The following OTUD7A variants were observed in gnomAD, a reference collection of about 807,000 sequenced individuals.
OTUD7A encodes the protein OTU domain-containing protein 7A.
OTUD7A carries 12 observed loss-of-function variants against 65.7 expected under a neutral mutation model. That is an observed-to-expected ratio of 0.18 (90% CI 0.12 to 0.30). OTUD7A has a LOEUF of 0.30. Ranked by LOEUF, OTUD7A falls within the 10% of genes least tolerant of loss-of-function variation. The pLI is 1.00. For missense variants in OTUD7A, 1,148 were observed against 1,304.8 expected (o/e 0.88, Z 1.85); for synonymous variants, 641 against 586.3 (o/e 1.09, Z -1.35).
Position 31,834,139 on chromosome 15 carries a change from A to G in OTUD7A, c.-100+36368T>C, listed in dbSNP as rs113122546. ...ATTTGAATGGCCTCAGGTGCCCTAA[A>G]ACCAGCCAAAAGTGCTAACAAGAGT... On this transcript the variant is annotated intron_variant, in intron 1 of 12. Coordinates refer to ENST00000307050, the MANE Select transcript of OTUD7A (RefSeq NM_001382637.1). 7.9e-4 allele frequency among the ~76,000 whole-genome samples: 121 copies of G among 152,364 alleles called. 1 individual carries two copies. Among genetic ancestry groups the G allele is most frequent in the African/African-American group, 2.7e-3 (114 of 41,584 alleles).
At chr15:31,678,737 C>T (rs1005767824) in intron 1 of OTUD7A, among the ~76,000 whole-genome samples, 2 of 152,228 alleles carry the variant, frequency 1.3e-5, no homozygotes, top group African/African-American at 4.8e-5. Context: ...AAGTTTGCTG[C>T]AGGGGCAAAG....
At chr15:31,611,889 C>T (rs977498766) in intron 3 of OTUD7A, among the ~76,000 whole-genome samples, 1 of 152,116 alleles carries the variant, frequency 6.6e-6, no homozygotes, top group Non-Finnish European at 1.5e-5. Flanking sequence ...AACAAAGATG[C>T]TAAAATCCTT....
chr15:31,541,382 C>T (rs545386120), intron 5 of OTUD7A, among the ~76,000 whole-genome samples: 1 of 152,188 alleles, frequency 6.6e-6, no homozygotes, highest in East Asian at 1.9e-4. Flanking sequence ...TTGTTAGTTA[C>T]TCTATGCTTA....
chr15:31,845,815 G>A (rs1049645524), intron 1 of OTUD7A, among the ~76,000 whole-genome samples: 1 of 152,396 alleles, frequency 6.6e-6, no homozygotes, highest in African/African-American at 2.4e-5. Context: ...AGCACAAAGC[G>A]CTTGGAGTGC....
intron 1 of OTUD7A, among the ~76,000 whole-genome samples, chr15:31,788,225 T>C (rs1055359338): frequency 6.6e-6 from 1 of 152,216 alleles, no homozygotes; most frequent in Admixed American, 6.5e-5. Flanking sequence ...CTAAGAAATA[T>C]GCGTAAGACT....
At chr15:31,638,183 T>C (rs952007738) in intron 3 of OTUD7A, among the ~76,000 whole-genome samples, 11 of 152,002 alleles carry the variant, frequency 7.2e-5, no homozygotes, top group Non-Finnish European at 1.0e-4. Flanking sequence ...CCTTCAGCAA[T>C]CACCACCCTG....
At chr15:31,752,007 C>A (rs1448523747) in intron 1 of OTUD7A, among the ~76,000 whole-genome samples, 1 of 151,986 alleles carries the variant, frequency 6.6e-6, no homozygotes, top group Non-Finnish European at 1.5e-5. Context: ...CACAATATAC[C>A]CTTGTAACAA....
intron 1 of OTUD7A, among the ~76,000 whole-genome samples, chr15:31,822,561 C>A (rs2140974101): frequency 6.6e-6 from 1 of 152,220 alleles, no homozygotes; most frequent in East Asian, 1.9e-4. Context: ...AGCCTGGCCA[C>A]CCTGCCTCTT....
chr15:31,490,250 A>T (rs73370522), intron 10 of OTUD7A, among the ~76,000 whole-genome samples: 2,462 of 152,296 alleles, frequency 0.016, 63 homozygotes, highest in African/African-American at 0.056. Context: ...TAGAACAGCA[A>T]CTGCTTTTCA....
intron 1 of OTUD7A, among the ~76,000 whole-genome samples, chr15:31,716,277 A>G (rs1893581490): frequency 2.0e-4 from 3 of 15,056 alleles, no homozygotes; most frequent in African/African-American, 2.7e-4. Flanking sequence ...ACATTATATA[A>G]TACATACTAC....
chr15:31,480,615 T>G lies in OTUD7A; in HGVS notation c.*2679A>C, dbSNP rs1233624350. The G allele has an allele frequency of 6.6e-6, 1 of 152,248 alleles. No homozygotes were observed. Among genetic ancestry groups the G allele is most frequent in the Non-Finnish European group, 1.5e-5 (1 of 68,070 alleles). The allele number at this position is 152,248 out of a possible 1,614,324, so 9.4% of individuals were successfully genotyped here. A position where few individuals can be genotyped will look rare whatever the true frequency, so the allele number is the denominator to read the frequency against. On this transcript the variant is annotated 3_prime_UTR_variant, in exon 13 of 13. Coordinates refer to ENST00000307050, the MANE Select transcript of OTUD7A (RefSeq NM_001382637.1). Reference sequence around the variant, plus strand: ...TTTTAATAGTTTCTGGCCAGCCTGCTGAAGTTGGTCTCTGGCCAGGGACGA... The same window carrying G: ...TTTTAATAGTTTCTGGCCAGCCTGCGGAAGTTGGTCTCTGGCCAGGGACGA...
chr15:31,804,970 A>T (rs1896231084), intron 1 of OTUD7A, among the ~76,000 whole-genome samples: 1 of 152,222 alleles, frequency 6.6e-6, no homozygotes, highest in Admixed American at 6.5e-5. Flanking sequence ...TGTCCCAGGC[A>T]CCGTGTTGAA....
At chr15:31,559,251 A>G in intron 4 of OTUD7A, 64 bp from the exon 5 acceptor site, 1 of 1,429,574 alleles carries the variant, frequency 7.0e-7, no homozygotes. Context: ...CTCTATGTAC[A>G]TAAACACACA....
chr15:31,623,413 C>T (rs1282145033), intron 3 of OTUD7A, among the ~76,000 whole-genome samples: 1 of 152,216 alleles, frequency 6.6e-6, no homozygotes, highest in African/African-American at 2.4e-5. Context: ...TGGGCTCCAC[C>T]CAGTTTGAGC....
intron 1 of OTUD7A, among the ~76,000 whole-genome samples, chr15:31,827,415 T>C (rs944982875): frequency 1.3e-5 from 2 of 152,298 alleles, no homozygotes; most frequent in African/African-American, 4.8e-5. Context: ...AACCACCCCA[T>C]GATTCAATTA....
intron 1 of OTUD7A, among the ~76,000 whole-genome samples, chr15:31,663,443 C>T (rs1032090188): frequency 6.8e-6 from 1 of 146,808 alleles, no homozygotes; most frequent in African/African-American, 2.6e-5. Context: ...ATCCCCCCCA[C>T]CCCCCGACAG....
intron 1 of OTUD7A, among the ~76,000 whole-genome samples, chr15:31,748,138 T>C (rs938061325): frequency 6.6e-6 from 1 of 152,032 alleles, no homozygotes; most frequent in African/African-American, 2.4e-5. Flanking sequence ...ATTGATAAAA[T>C]TGAATATGGA....
At chr15:31,811,643 G>A (rs1204449531) in intron 1 of OTUD7A, among the ~76,000 whole-genome samples, 3 of 152,066 alleles carry the variant, frequency 2.0e-5, no homozygotes, top group East Asian at 1.9e-4. Context: ...CCGCACTCCC[G>A]GGGCTCCGGG....
At chr15:31,511,191 C>CAT (rs1374843423) in intron 8 of OTUD7A, among the ~76,000 whole-genome samples, 81 of 2,536 alleles carry the variant, frequency 0.032, 32 homozygotes, top group Admixed American at 0.11. Flanking sequence ...ATATGTAACA[C>CAT]ACATATGTAT....
Sources: allele counts gnomAD v4.1 joint callset (sites outside exome capture counted in the v4.1 genomes callset), GRCh38; gene constraint gnomAD v4.1.1; transcripts MANE v1.5; gene names NCBI Gene and HGNC (gene_info 2026-07-23, HGNC 2026-07-21).